The following OOSP4A variants were observed in gnomAD, a reference collection of about 807,000 sequenced individuals.
The protein encoded by OOSP4A is oocyte secreted protein family member 4A, also known as oocyte-secreted protein 4A.
intron 3 of OOSP4A, among the ~76,000 whole-genome samples, chr11:59,968,068 A>G (rs947709730): frequency 1.3e-5 from 2 of 152,292 alleles, no homozygotes; most frequent in Admixed American, 6.5e-5. Flanking sequence ...GTTTTCTTTA[A>G]GACTCCTAGA....
chr11:59,966,167 C>CG (rs1854096295), intron 2 of OOSP4A, among the ~76,000 whole-genome samples: 1 of 139,746 alleles, frequency 7.2e-6, no homozygotes, highest in African/African-American at 2.6e-5. Context: ...CACCAGAAAA[C>CG]TTTTTTTTTT....
chr11:59,970,317 C>A (rs1038287900), downstream of OOSP4A, among the ~76,000 whole-genome samples: 2 of 152,102 alleles, frequency 1.3e-5, no homozygotes, highest in African/African-American at 4.8e-5. Context: ...AGATTTTAAA[C>A]TTGTAATAAA....
Position 59,970,073 on chromosome 11 carries a change from C to A in OOSP4A, c.504C>A (p.Tyr168Ter). 2.5e-6 allele frequency: 1 copy of A among 398,146 alleles called. No individual in the cohort carries two copies. The highest frequency in any genetic ancestry group is 4.4e-6 in the Non-Finnish European group (1 of 225,748). The allele number at this position is 398,146 out of a possible 1,614,324, so 24.7% of individuals were successfully genotyped here. A position where few individuals can be genotyped will look rare whatever the true frequency, so the allele number is the denominator to read the frequency against. The change falls in exon 5 of 5, where the codon TAC becomes TAA. Residue 168 changes from tyrosine (Y) to a stop codon, truncating the protein, a stop_gained. Coordinates refer to ENST00000645590, the Ensembl canonical transcript of OOSP4A. LOFTEE classifies it low-confidence loss of function (END_TRUNC). ...GGAACAGTGTTCCCTTGTTGAGCTA[C>A]CTCATTGTATCCCTTCCTAAGTGTA... is the stretch of plus-strand genomic sequence containing the variant.
At chr11:59,964,592 G>T (rs1854078380) in intron 1 of OOSP4A, among the ~76,000 whole-genome samples, 1 of 152,054 alleles carries the variant, frequency 6.6e-6, no homozygotes, top group South Asian at 2.1e-4. Context: ...ATCCTGATCT[G>T]CCACTTAATA....
At chr11:59,964,595 A>G (rs1413719399) in intron 1 of OOSP4A, among the ~76,000 whole-genome samples, 1 of 152,178 alleles carries the variant, frequency 6.6e-6, no homozygotes, top group Non-Finnish European at 1.5e-5. Context: ...CTGATCTGCC[A>G]CTTAATAGTT....
chr11:59,965,971 G>GT (rs999114043), intron 2 of OOSP4A, among the ~76,000 whole-genome samples: 16 of 150,724 alleles, frequency 1.1e-4, no homozygotes, highest in East Asian at 7.7e-4. Flanking sequence ...CTGTGATAGT[G>GT]TTTTTTTTGT....
At chr11:59,966,068 CTTG>C (rs961244039) in intron 2 of OOSP4A, among the ~76,000 whole-genome samples, 4 of 151,566 alleles carry the variant, frequency 2.6e-5, no homozygotes, top group African/African-American at 9.7e-5. Flanking sequence ...ATACCCAACT[CTTG>C]TTGTTGACCT....
chr11:59,968,006 C>T (rs1272944706), intron 3 of OOSP4A, among the ~76,000 whole-genome samples: 4 of 152,136 alleles, frequency 2.6e-5, no homozygotes, highest in Non-Finnish European at 5.9e-5. Context: ...TGGTCCTTCT[C>T]ATAAGTGAAA....
chr11:59,965,560 G>T (rs1372645156), exon 2 of OOSP4A: 1 of 398,230 alleles, frequency 2.5e-6, no homozygotes, highest in African/African-American at 2.1e-5. Flanking sequence ...CTGAATCCTG[G>T]CTCCAGGTCA....
chr11:59,966,137 G>T (rs1043847216), intron 2 of OOSP4A, among the ~76,000 whole-genome samples: 1 of 151,492 alleles, frequency 6.6e-6, no homozygotes, highest in African/African-American at 2.4e-5. Context: ...ATTAATAAGA[G>T]AGAAATCAAT....
chr11:59,965,737 C>A (rs1854092041), intron 2 of OOSP4A, 24 bp downstream of exon 2: 2 of 398,202 alleles, frequency 5.0e-6, no homozygotes, highest in Admixed American at 8.8e-5. Context: ...TTATTTCAAC[C>A]AATAATATAT....
At chr11:59,964,353 T>G (rs1177196339) in intron 1 of OOSP4A, among the ~76,000 whole-genome samples, 1 of 152,090 alleles carries the variant, frequency 6.6e-6, no homozygotes, top group Non-Finnish European at 1.5e-5. Context: ...GCAAAATATT[T>G]CCAGGTTCTT....
intron 3 of OOSP4A, 78 bp from the exon 4 acceptor site, chr11:59,969,072 C>T: frequency 2.5e-6 from 1 of 396,482 alleles, no homozygotes. Context: ...TTTAGTTTTT[C>T]TCCACATTTC....
At chr11:59,966,798 T>C (rs1447282808) in intron 2 of OOSP4A, among the ~76,000 whole-genome samples, 1 of 152,102 alleles carries the variant, frequency 6.6e-6, no homozygotes, top group Non-Finnish European at 1.5e-5. Flanking sequence ...TAAACAAATG[T>C]GGTGATCAAA....
At chr11:59,968,728 A>C (rs1854127435) in intron 3 of OOSP4A, among the ~76,000 whole-genome samples, 1 of 152,140 alleles carries the variant, frequency 6.6e-6, no homozygotes, top group Non-Finnish European at 1.5e-5. Flanking sequence ...AAACACCTTT[A>C]TTTGGCTTCA....
downstream of OOSP4A, chr11:59,970,227 T>C (rs1456552268): frequency 1.0e-5 from 4 of 394,840 alleles, no homozygotes; most frequent in Non-Finnish European, 1.8e-5. Context: ...ATTTCAAATG[T>C]GATATTTTTA....
At position 59,967,740 on chromosome 11, in the gene OOSP4A, A is replaced by G. The variant is rs115408971; in HGVS notation, c.344+576A>G. On this transcript the variant is annotated intron_variant, in intron 3 of 4. Transcript: ENST00000645590. Reference sequence around the variant, plus strand: ...TCCTTATTGGAGAAACTTTTCTGCAATGAGAGAGTAAAGCAGGAGAGCCTG... The same window carrying G: ...TCCTTATTGGAGAAACTTTTCTGCAGTGAGAGAGTAAAGCAGGAGAGCCTG... Among the ~76,000 whole-genome samples, 384 of 152,088 alleles carry G rather than the reference A, an allele frequency of 2.5e-3. 1 individual carries two copies. Among genetic ancestry groups the G allele is most frequent in the African/African-American group, 7.9e-3 (329 of 41,516 alleles).
chr11:59,967,542 G>A (rs1590564581), intron 3 of OOSP4A, among the ~76,000 whole-genome samples: 1 of 152,228 alleles, frequency 6.6e-6, no homozygotes, highest in South Asian at 2.1e-4. Context: ...TTCTGCAGAT[G>A]TGGGGAGGAG....
chr11:59,964,062 C>T (rs1436230486), exon 1 of OOSP4A: 16 of 397,724 alleles, frequency 4.0e-5, no homozygotes, highest in Non-Finnish European at 6.6e-5. Flanking sequence ...TGGGAAAGCT[C>T]CTCATGCTTT....
Sources: allele counts gnomAD v4.1 joint callset (sites outside exome capture counted in the v4.1 genomes callset), GRCh38; gene constraint gnomAD v4.1.1; transcripts MANE v1.5; gene names NCBI Gene and HGNC (gene_info 2026-07-23, HGNC 2026-07-21).